The following ENTPD4 variants were observed in gnomAD, a reference collection of about 807,000 sequenced individuals.
The protein encoded by ENTPD4 is ectonucleoside triphosphate diphosphohydrolase 4, also known as Golgi UDPase.
A neutral mutation model predicts 79.1 loss-of-function variants in ENTPD4; 60 were observed. The observed-to-expected ratio is 0.76, with a 90% CI of 0.62 to 0.94. The LOEUF is 0.94. Ranked by LOEUF, ENTPD4 falls within the 40% of genes least tolerant of loss-of-function variation. The probability of loss-of-function intolerance (pLI) is 0.00; values close to 1 mark genes in which losing one functional copy is unlikely to be tolerated. For synonymous variants in ENTPD4, 276 were observed against 292.0 expected (o/e 0.95, Z 0.56); for missense variants, 772 against 775.1 (o/e 1.00, Z 0.05).
intron 2 of ENTPD4, among the ~76,000 whole-genome samples, chr8:23,449,319 G>A (rs960981863): frequency 3.2e-4 from 49 of 152,240 alleles, no homozygotes; most frequent in African/African-American, 1.2e-3. Flanking sequence ...GAGACCAAAC[G>A]GGAATGCAGT....
chr8:23,443,737 T>C, intron 6 of ENTPD4, 113 bp downstream of exon 6: 1 of 598,530 alleles, frequency 1.7e-6, no homozygotes, highest in Middle Eastern at 2.6e-4. Context: ...TTCAAGGCTA[T>C]TATTTCCCAA....
chr8:23,454,826 ACTGT>A (rs1162909417), intron 1 of ENTPD4, among the ~76,000 whole-genome samples: 1 of 152,256 alleles, frequency 6.6e-6, no homozygotes, highest in East Asian at 1.9e-4. Context: ...CTGCTGAAGC[ACTGT>A]AATTTTAACT....
chr8:23,440,125 A>ACCTGT, intron 8 of ENTPD4: 1 of 494,074 alleles, frequency 2.0e-6, no homozygotes, highest in African/African-American at 1.9e-5. Flanking sequence ...TACTGTTATG[A>ACCTGT]CTTTTTGAAA....
In ENTPD4 at chr8:23,431,991, C is replaced by T. The variant is rs1800461956; in HGVS notation, c.*935G>A. On this transcript the variant is annotated 3_prime_UTR_variant, in exon 13 of 13. Coordinates refer to ENST00000358689, the MANE Select transcript of ENTPD4 (RefSeq NM_004901.5). Reference sequence around the variant, plus strand: ...TTAAAGAACCAGCATTGCCTCCCCTCACGCTGGTTTCTTGGGATTTTTCAC... The same window carrying T: ...TTAAAGAACCAGCATTGCCTCCCCTTACGCTGGTTTCTTGGGATTTTTCAC... The T allele has an allele frequency of 1.0e-6, 1 of 985,258 alleles. No homozygotes were observed. The highest frequency in any genetic ancestry group is 1.7e-5 in the African/African-American group (1 of 57,228). 61.0% of individuals were successfully genotyped at this position (985,258 alleles called of 1,614,324 possible).
chr8:23,434,018 A>G, intron 12 of ENTPD4: 1 of 357,814 alleles, frequency 2.8e-6, no homozygotes, highest in Non-Finnish European at 5.1e-6. Flanking sequence ...CCTGAGTCAT[A>G]AAGGTTAAGA....
chr8:23,448,423 C>T (rs775921933), intron 3 of ENTPD4, among the ~76,000 whole-genome samples: 16 of 152,122 alleles, frequency 1.1e-4, no homozygotes, highest in Non-Finnish European at 2.2e-4. Flanking sequence ...ATCACCAATG[C>T]GATGCTATTA....
At chr8:23,433,866 T>C (rs1361579548) in intron 12 of ENTPD4, among the ~76,000 whole-genome samples, 1 of 152,260 alleles carries the variant, frequency 6.6e-6, no homozygotes, top group Non-Finnish European at 1.5e-5. Context: ...GATCCTGTTA[T>C]TTAATGTGTT....
intron 3 of ENTPD4, 66 bp downstream of exon 3, chr8:23,448,676 A>G: frequency 3.8e-6 from 5 of 1,308,174 alleles, no homozygotes; most frequent in Non-Finnish European, 5.5e-6. Flanking sequence ...CTGTTCCAGC[A>G]GCCTAAAACA....
At chr8:23,457,134 G>C (rs1800972182) in intron 1 of ENTPD4, among the ~76,000 whole-genome samples, 2 of 152,046 alleles carry the variant, frequency 1.3e-5, no homozygotes, top group Non-Finnish European at 2.9e-5. Context: ...CATGAAATCT[G>C]GCAAAAGCAA....
intron 11 of ENTPD4, among the ~76,000 whole-genome samples, chr8:23,435,031 T>C (rs569965092): frequency 6.6e-6 from 1 of 152,270 alleles, no homozygotes; most frequent in East Asian, 1.9e-4. Context: ...GATAAATGCA[T>C]TGGCGAGGTA....
Position 23,436,917 on chromosome 8 carries a change from G to A in ENTPD4, c.1374+17C>T. The A allele has an allele frequency of 6.4e-7, 1 of 1,555,190 alleles. No homozygotes were observed. Among genetic ancestry groups the A allele is most frequent in the Non-Finnish European group, 8.7e-7 (1 of 1,149,228 alleles). On this transcript the variant is annotated intron_variant, in intron 10 of 12. Coordinates refer to ENST00000358689, the MANE Select transcript of ENTPD4 (RefSeq NM_004901.5). Reference sequence around the variant, plus strand: ...CTCTCAAAAGCATGCAGAGCAGACGGCGTCTCTCAAGGGTACCTTTGCAGC... The same window carrying A: ...CTCTCAAAAGCATGCAGAGCAGACGACGTCTCTCAAGGGTACCTTTGCAGC...
rs772449686 is a variant in ENTPD4, at chr8:23,447,918, G to C, written c.207-33C>G. On this transcript the variant is annotated intron_variant, in intron 3 of 12. Coordinates refer to ENST00000358689, the MANE Select transcript of ENTPD4 (RefSeq NM_004901.5). ...AGAAACACACGTATGCTTTGATTTAGACAAAGAATATCACCTGAAGTCTAA... is the reference window on the plus strand; with the variant it reads ...AGAAACACACGTATGCTTTGATTTACACAAAGAATATCACCTGAAGTCTAA... 9 of 1,561,000 alleles carry C rather than the reference G, an allele frequency of 5.8e-6. No homozygotes were observed. In the South Asian group the frequency reaches 1.0e-4, roughly 17 times the overall value.
At chr8:23,455,862 CT>C (rs755905567) in intron 1 of ENTPD4, among the ~76,000 whole-genome samples, 4 of 152,180 alleles carry the variant, frequency 2.6e-5, no homozygotes, top group Non-Finnish European at 5.9e-5. Context: ...CCTGGATTAC[CT>C]GGTTCTCAGC....
intron 11 of ENTPD4, chr8:23,434,811 G>T: frequency 1.5e-6 from 1 of 659,376 alleles, no homozygotes; most frequent in Non-Finnish European, 2.0e-6. Flanking sequence ...CAACCTCTTT[G>T]TACCTCAGTT....
At chr8:23,441,874 A>C in intron 7 of ENTPD4, 133 bp downstream of exon 7, 1 of 1,124,266 alleles carries the variant, frequency 8.9e-7, no homozygotes, top group South Asian at 1.4e-5. Flanking sequence ...AATTACGTTC[A>C]ACTGCAGCTG....
chr8:23,431,784 G>C lies in ENTPD4; in HGVS notation c.*1142C>G. The C allele has an allele frequency of 1.0e-6, 1 of 985,428 alleles. No individual in the cohort carries two copies. Among genetic ancestry groups the C allele is most frequent in the Non-Finnish European group, 1.2e-6 (1 of 829,920 alleles). The allele number at this position is 985,428 out of a possible 1,614,324, so 61.0% of individuals were successfully genotyped here. A position where few individuals can be genotyped will look rare whatever the true frequency, so the allele number is the denominator to read the frequency against. On this transcript the variant is annotated 3_prime_UTR_variant, in exon 13 of 13. Coordinates refer to ENST00000358689, the MANE Select transcript of ENTPD4 (RefSeq NM_004901.5). ...AATACTGAGCAAGAAGTGGGCATGT[G>C]CTCTAGTTCCAATAAAACCGAAACT...
intron 6 of ENTPD4, among the ~76,000 whole-genome samples, chr8:23,442,924 T>C (rs1402266574): frequency 6.6e-6 from 1 of 152,084 alleles, no homozygotes; most frequent in Non-Finnish European, 1.5e-5. Flanking sequence ...CAGCCAACTG[T>C]TAACATTCCC....
chr8:23,443,336 C>A (rs969408128), intron 6 of ENTPD4, among the ~76,000 whole-genome samples: 11 of 152,228 alleles, frequency 7.2e-5, no homozygotes, highest in Non-Finnish European at 1.5e-5. Flanking sequence ...TCTACAGTCT[C>A]TTTCACATAG....
intron 9 of ENTPD4, among the ~76,000 whole-genome samples, chr8:23,438,371 T>A (rs1014238516): frequency 1.7e-4 from 26 of 152,252 alleles, no homozygotes; most frequent in Non-Finnish European, 3.1e-4. Flanking sequence ...TGCAGTTGAA[T>A]GTAATAAATT....
Sources: allele counts gnomAD v4.1 joint callset (sites outside exome capture counted in the v4.1 genomes callset), GRCh38; gene constraint gnomAD v4.1.1; transcripts MANE v1.5; gene names NCBI Gene and HGNC (gene_info 2026-07-23, HGNC 2026-07-21).